Variants in SIK3 observed in about 807,000 individuals in gnomAD.
SIK3 encodes serine/threonine-protein kinase SIK3.
Under a neutral mutation model 144.2 loss-of-function variants are expected in SIK3, and 28 were observed. That is an observed-to-expected ratio of 0.19 (90% CI 0.14 to 0.27). The LOEUF (loss-of-function observed/expected upper bound fraction) is 0.27, where lower values mean the gene tolerates loss of function less well. Ranked by LOEUF, SIK3 falls within the 10% of genes least tolerant of loss-of-function variation. SIK3 has a pLI of 1.00. For missense variants in SIK3, 1,319 were observed against 1,776.0 expected (o/e 0.74, Z 4.62); for synonymous variants, 686 against 676.3 (o/e 1.01, Z -0.22).
chr11:116,876,334 T>C lies in SIK3; in HGVS notation c.1014A>G (p.Glu338=). The change falls in exon 8 of 25, where the codon GAA becomes GAG. Residue 338 remains glutamate (E), a synonymous_variant. Coordinates refer to ENST00000445177, the MANE Select transcript of SIK3 (RefSeq NM_001366686.3). Reference sequence around the variant, plus strand: ...CATTCAGGGGGTCCACCTGTCTTTCTTCCTTTAGTTGTTGGCATTCAGCTA... The same window carrying C: ...CATTCAGGGGGTCCACCTGTCTTTCCTCCTTTAGTTGTTGGCATTCAGCTA... ...RLIAECQQLK[E]ERQVDPLNED... is the part of the protein sequence containing the mutation. The C allele has an allele frequency of 6.2e-7, 1 of 1,614,252 alleles. No individual in the cohort carries two copies.
At chr11:116,878,222 C>T (rs1301221704) in intron 6 of SIK3, among the ~76,000 whole-genome samples, 2 of 152,160 alleles carry the variant, frequency 1.3e-5, no homozygotes, top group Non-Finnish European at 2.9e-5. Context: ...CATTCTTTCT[C>T]CATTACAATC....
At chr11:116,966,107 G>T (rs1486785721) in intron 1 of SIK3, among the ~76,000 whole-genome samples, 1 of 152,088 alleles carries the variant, frequency 6.6e-6, no homozygotes, top group Non-Finnish European at 1.5e-5. Context: ...GTTCAAAATG[G>T]CAACCAAAGA....
intron 1 of SIK3, among the ~76,000 whole-genome samples, chr11:117,016,648 C>T (rs952656432): frequency 2.6e-5 from 4 of 151,662 alleles, no homozygotes; most frequent in African/African-American, 9.7e-5. Context: ...ACCCTGTCTC[C>T]GAAAAAATTG....
chr11:116,968,790 CATTAA>C (rs1949656688), intron 1 of SIK3, among the ~76,000 whole-genome samples: 1 of 152,110 alleles, frequency 6.6e-6, no homozygotes, highest in South Asian at 2.1e-4. Context: ...TGTATCAATT[CATTAA>C]AGTATTGAGT....
At chr11:116,869,039 A>G (rs2134490624) in intron 14 of SIK3, 1 of 152,336 alleles carries the variant, frequency 6.6e-6, no homozygotes, top group African/African-American at 2.4e-5. Flanking sequence ...AAAGTCTAAG[A>G]CAAAGAAGAT....
At chr11:117,029,194 C>T (rs1952150966) in intron 1 of SIK3, among the ~76,000 whole-genome samples, 1 of 152,100 alleles carries the variant, frequency 6.6e-6, no homozygotes, top group African/African-American at 2.4e-5. Flanking sequence ...CAGGTGTGAC[C>T]CACTGTGCCC....
At chr11:116,981,495 C>T (rs1423623886) in intron 1 of SIK3, among the ~76,000 whole-genome samples, 1 of 152,180 alleles carries the variant, frequency 6.6e-6, no homozygotes, top group African/African-American at 2.4e-5. Context: ...TTGGTCAAAG[C>T]AGTCACAAAG....
chr11:117,008,312 T>C (rs1222096610), intron 1 of SIK3, among the ~76,000 whole-genome samples: 4 of 152,126 alleles, frequency 2.6e-5, no homozygotes, highest in Non-Finnish European at 5.9e-5. Context: ...TGGGTAATAT[T>C]ATTCCATTTC....
intron 1 of SIK3, among the ~76,000 whole-genome samples, chr11:117,078,714 A>G (rs1382985840): frequency 2.6e-5 from 4 of 152,138 alleles, no homozygotes; most frequent in African/African-American, 9.7e-5. Context: ...GAGAATTGTC[A>G]TATTTTTAAT....
chr11:116,922,276 G>A (rs989814072), intron 4 of SIK3, among the ~76,000 whole-genome samples: 2 of 152,180 alleles, frequency 1.3e-5, no homozygotes, highest in African/African-American at 4.8e-5. Flanking sequence ...GTTAAGGAGG[G>A]AGGACTGGTT....
chr11:117,097,896 C>T (rs952721940), intron 1 of SIK3, among the ~76,000 whole-genome samples: 2 of 152,010 alleles, frequency 1.3e-5, no homozygotes, highest in African/African-American at 4.8e-5. Flanking sequence ...CCGAGGACCC[C>T]TCCCCGCGCC....
intron 1 of SIK3, among the ~76,000 whole-genome samples, chr11:116,963,723 T>G (rs1226561868): frequency 6.6e-6 from 1 of 152,170 alleles, no homozygotes; most frequent in Non-Finnish European, 1.5e-5. Flanking sequence ...GTACCATGTT[T>G]GGGAGAACTG....
chr11:116,895,035 T>A (rs1039895821), intron 6 of SIK3, among the ~76,000 whole-genome samples: 3 of 152,218 alleles, frequency 2.0e-5, no homozygotes, highest in African/African-American at 7.2e-5. Flanking sequence ...TCAGATTACA[T>A]CACTCCTGTC....
At chr11:117,079,465 T>C (rs1258661702) in intron 1 of SIK3, among the ~76,000 whole-genome samples, 1 of 152,150 alleles carries the variant, frequency 6.6e-6, no homozygotes, top group Non-Finnish European at 1.5e-5. Flanking sequence ...TGCTAGACAC[T>C]GAAAATAAGA....
At position 116,873,603 on chromosome 11, in the gene SIK3, G is replaced by A. The variant is rs764280297; in HGVS notation, c.1615C>T (p.Leu539=). 5 of 1,588,170 alleles carry A rather than the reference G, an allele frequency of 3.1e-6. No individual in the cohort carries two copies. Among genetic ancestry groups the A allele is most frequent in the Non-Finnish European group, 4.3e-6 (5 of 1,169,010 alleles). Residue 539 remains leucine, a synonymous_variant, in exon 13 of 25, where the codon CTG becomes TTG. Transcript: ENST00000445177. ...CCAAGGGGGCCCATTCCATTCAACA[G>A]CTGTAGCGTGGGCGGCTGTAGGAGA... ...QSLLQPPTLQ[L]LNGMGPLGRR...
intron 1 of SIK3, among the ~76,000 whole-genome samples, chr11:117,013,907 G>GTGTGTGTGTGT (rs1485971413): frequency 1.1e-4 from 5 of 44,836 alleles, no homozygotes; most frequent in Non-Finnish European, 2.6e-4. Flanking sequence ...TGAGGGGGGG[G>GTGTGTGTGTGT]GGGGGAGGGT....
intron 1 of SIK3, among the ~76,000 whole-genome samples, chr11:117,065,264 C>A (rs867791445): frequency 6.6e-6 from 1 of 151,484 alleles, no homozygotes; most frequent in Non-Finnish European, 1.5e-5. Context: ...TCTGATAAAC[C>A]CCAAACTACT....
chr11:116,900,464 TG>T (rs1359487841), intron 4 of SIK3, among the ~76,000 whole-genome samples: 6 of 152,330 alleles, frequency 3.9e-5, no homozygotes, highest in African/African-American at 1.4e-4. Flanking sequence ...AACCAGATCC[TG>T]TTACCTCCTC....
chr11:116,976,408 G>A (rs1949948907), intron 1 of SIK3, among the ~76,000 whole-genome samples: 1 of 152,152 alleles, frequency 6.6e-6, no homozygotes, highest in Admixed American at 6.5e-5. Context: ...TTTGCATATG[G>A]TATAAAGCAA....
Sources: allele counts gnomAD v4.1 joint callset (sites outside exome capture counted in the v4.1 genomes callset), GRCh38; gene constraint gnomAD v4.1.1; transcripts MANE v1.5; gene names NCBI Gene and HGNC (gene_info 2026-07-23, HGNC 2026-07-21).